The following THSD7B variants were observed in gnomAD, a reference collection of about 807,000 sequenced individuals.
The protein encoded by THSD7B is thrombospondin type-1 domain-containing protein 7B.
Under a neutral mutation model 213.6 loss-of-function variants are expected in THSD7B, and 138 were observed. The ratio of observed to expected loss-of-function variants is 0.65; its 90% CI spans 0.56 to 0.74. The LOEUF (loss-of-function observed/expected upper bound fraction) is 0.74. Among genes scored for constraint, THSD7B ranks in the 30% least tolerant of loss-of-function variants. The probability of loss-of-function intolerance (pLI) is 0.00; values close to 1 mark genes in which losing one functional copy is unlikely to be tolerated. For missense variants in THSD7B, 1,931 were observed against 1,991.5 expected (o/e 0.97, Z 0.58); for synonymous variants, 742 against 687.0 (o/e 1.08, Z -1.25).
intron 15 of THSD7B, among the ~76,000 whole-genome samples, chr2:137,546,397 ATATATAT>A (rs1680718282): frequency 7.7e-5 from 3 of 38,934 alleles, no homozygotes; most frequent in African/African-American, 2.6e-4. Context: ...TATATATATT[ATATATAT>A]TATATATATA....
intron 26 of THSD7B, among the ~76,000 whole-genome samples, chr2:137,665,593 T>A (rs1683430654): frequency 6.6e-6 from 1 of 152,060 alleles, no homozygotes. Flanking sequence ...GCCATACTAA[T>A]ATACTTATTT....
At chr2:136,771,086 C>T (rs1681497681) in intron 1 of THSD7B, among the ~76,000 whole-genome samples, 1 of 152,114 alleles carries the variant, frequency 6.6e-6, no homozygotes, top group African/African-American at 2.4e-5. Flanking sequence ...GGGAGTAGTT[C>T]AACAAGGCTT....
chr2:137,281,031 T>A (rs1332114801), intron 12 of THSD7B, among the ~76,000 whole-genome samples: 1 of 152,174 alleles, frequency 6.6e-6, no homozygotes, highest in African/African-American at 2.4e-5. Context: ...GGCACTGTAA[T>A]GGATACAGAG....
intron 15 of THSD7B, among the ~76,000 whole-genome samples, chr2:137,513,892 A>C (rs1371990436): frequency 6.6e-6 from 1 of 152,206 alleles, no homozygotes; most frequent in Non-Finnish European, 1.5e-5. Context: ...ATTGTGCCAG[A>C]CACACATACT....
intron 2 of THSD7B, among the ~76,000 whole-genome samples, chr2:137,014,083 A>G (rs191468677): frequency 6.6e-6 from 1 of 152,220 alleles, no homozygotes; most frequent in Non-Finnish European, 1.5e-5. Context: ...CATCATGCCC[A>G]TCCTTAATGT....
At chr2:137,111,318 T>C (rs549952447) in intron 4 of THSD7B, among the ~76,000 whole-genome samples, 3 of 152,308 alleles carry the variant, frequency 2.0e-5, no homozygotes, top group African/African-American at 7.2e-5. Context: ...GCTAGACAGG[T>C]AGCTACCCAT....
intron 15 of THSD7B, among the ~76,000 whole-genome samples, chr2:137,560,213 A>G (rs527612328): frequency 6.6e-6 from 1 of 152,346 alleles, no homozygotes; most frequent in Non-Finnish European, 1.5e-5. Flanking sequence ...ATTGCTGGGT[A>G]TATACCCAAA....
At chr2:136,824,768 C>T (rs1276064293) in intron 1 of THSD7B, among the ~76,000 whole-genome samples, 2 of 152,112 alleles carry the variant, frequency 1.3e-5, no homozygotes, top group South Asian at 2.1e-4. Flanking sequence ...AACTAGTGCT[C>T]GAGATGCATG....
At chr2:137,015,449 T>A (rs1283519994) in intron 2 of THSD7B, among the ~76,000 whole-genome samples, 1 of 152,136 alleles carries the variant, frequency 6.6e-6, no homozygotes, top group Non-Finnish European at 1.5e-5. Context: ...ATTGCACTAG[T>A]ACCCCCATTG....
Position 137,575,738 on chromosome 2 carries a change from A to ATATATATATG in THSD7B, c.3423+3187_3423+3188insATATGTATAT, listed in dbSNP as rs1461878017. ...TCCCATAACACACATATATATATAT[A>ATATATATATG]TATATTTTTACTTTAACATGCTTAC... On this transcript the variant is annotated intron_variant, in intron 17 of 27. Coordinates refer to ENST00000409968, the MANE Select transcript of THSD7B (RefSeq NM_001316349.2). Among the ~76,000 whole-genome samples, 1,172 of 150,154 alleles carry ATATATATATG rather than the reference A, an allele frequency of 7.8e-3. 10 individuals are homozygous for ATATATATATG. Among genetic ancestry groups the ATATATATATG allele is most frequent in the African/African-American group, 0.023 (964 of 41,272 alleles).
chr2:137,582,969 G>A (rs887926352), intron 17 of THSD7B, among the ~76,000 whole-genome samples: 163 of 152,290 alleles, frequency 1.1e-3, no homozygotes, highest in African/African-American at 3.7e-3. Context: ...GTGTAAAAGT[G>A]TTCCTATTTC....
Position 137,077,315 on chromosome 2 carries a change from T to A in THSD7B, c.951-17558T>A, listed in dbSNP as rs1220818697. ...GTGCATGTGTCTTTATAGCAGCATGTTTTATAATCCTTTGGATATATACCC... is the reference window on the plus strand; with the variant it reads ...GTGCATGTGTCTTTATAGCAGCATGATTTATAATCCTTTGGATATATACCC... On this transcript the variant is annotated intron_variant, in intron 3 of 27. Transcript: ENST00000409968. 3.9e-5 allele frequency among the ~76,000 whole-genome samples: 6 copies of A among 152,244 alleles called. No homozygotes were observed. The South Asian group carries it at 1.0e-3, about 26-fold the overall frequency.
chr2:136,938,546 T>C (rs1023671116), intron 2 of THSD7B, among the ~76,000 whole-genome samples: 1 of 152,214 alleles, frequency 6.6e-6, no homozygotes, highest in Middle Eastern at 3.2e-3. Context: ...CCTGGCTTTT[T>C]TTCAGATGCT....
chr2:136,939,161 G>A (rs1311815659), intron 2 of THSD7B, among the ~76,000 whole-genome samples: 4 of 151,982 alleles, frequency 2.6e-5, no homozygotes, highest in Admixed American at 6.6e-5. Context: ...CACTTGCCTG[G>A]TTTCTGCATT....
At chr2:137,554,915 G>A (rs1680924495) in intron 15 of THSD7B, among the ~76,000 whole-genome samples, 1 of 152,184 alleles carries the variant, frequency 6.6e-6, no homozygotes, top group Non-Finnish European at 1.5e-5. Flanking sequence ...CCCAGGCTCG[G>A]AGGGTCCCAT....
intron 12 of THSD7B, among the ~76,000 whole-genome samples, chr2:137,320,850 T>A (rs1176947565): frequency 2.0e-5 from 3 of 152,232 alleles, no homozygotes; most frequent in African/African-American, 7.2e-5. Context: ...AAAGCCCAGA[T>A]CAGATGGCAT....
At chr2:137,080,388 T>C (rs867913978) in intron 3 of THSD7B, among the ~76,000 whole-genome samples, 119 of 128,290 alleles carry the variant, frequency 9.3e-4, no homozygotes, top group Middle Eastern at 8.8e-3. Flanking sequence ...TTTTTTTTTT[T>C]TTTTAAATAG....
intron 14 of THSD7B, among the ~76,000 whole-genome samples, chr2:137,443,791 C>T (rs943526159): frequency 6.6e-6 from 1 of 151,892 alleles, no homozygotes; most frequent in Non-Finnish European, 1.5e-5. Context: ...TGGCTGACAC[C>T]GAAATGATTT....
chr2:137,115,862 T>A (rs1402355861), intron 5 of THSD7B, among the ~76,000 whole-genome samples: 1 of 152,108 alleles, frequency 6.6e-6, no homozygotes, highest in Non-Finnish European at 1.5e-5. Context: ...AGTGATAATA[T>A]TTAGAGACTG....
Sources: gnomAD v4.1 joint callset for allele counts (sites outside exome capture counted in the v4.1 genomes callset) on GRCh38, gnomAD v4.1.1 for gene constraint, MANE v1.5 for transcripts, NCBI Gene and HGNC (gene_info 2026-07-23, HGNC 2026-07-21) for gene names.